CDKL3: variants seen among roughly 807,000 people sequenced by gnomAD.
The protein encoded by CDKL3 is cyclin-dependent kinase-like 3.
Under a neutral mutation model 69.3 loss-of-function variants are expected in CDKL3, and 65 were observed. That is an observed-to-expected ratio of 0.94 (90% CI 0.77 to 1.15). CDKL3 has a LOEUF of 1.15. Among genes scored for constraint, CDKL3 ranks in the 50% most tolerant of loss-of-function variants. The probability of loss-of-function intolerance (pLI) is 0.00; values close to 1 mark genes in which losing one functional copy is unlikely to be tolerated. For synonymous variants in CDKL3, 202 were observed against 221.6 expected (o/e 0.91, Z 0.79); for missense variants, 652 against 689.2 (o/e 0.95, Z 0.61).
chr5:134,350,129 A>T, intron 4 of CDKL3, 120 bp downstream of exon 4: 4 of 682,470 alleles, frequency 5.9e-6, no homozygotes, highest in Non-Finnish European at 7.0e-6. Flanking sequence ...TGGAGGTTGC[A>T]GTGAGCCAAG....
At chr5:134,329,142 AC>A (rs758546969) in intron 4 of CDKL3, among the ~76,000 whole-genome samples, 67 of 152,284 alleles carry the variant, frequency 4.4e-4, no homozygotes, top group Non-Finnish European at 7.9e-4. Flanking sequence ...GGAGTTCGAG[AC>A]CAGCCTAGGC....
Position 134,336,344 on chromosome 5 carries a change from C to T in CDKL3, c.539+13905G>A, listed in dbSNP as rs2149541675. 2.0e-5 allele frequency among the ~76,000 whole-genome samples: 3 copies of T among 152,310 alleles called. No homozygotes were observed. The Middle Eastern group carries it at 0.01, about 518-fold the overall frequency. On this transcript the variant is annotated intron_variant, in intron 4 of 12. Coordinates refer to ENST00000265334, the MANE Select transcript of CDKL3 (RefSeq NM_001113575.2). ...CTTCTGTCAACTTGTCAAACTCATT[C>T]TCCATCCAGTTTTGTTCCCTTGCTG...
intron 2 of CDKL3, 85 bp downstream of exon 2, chr5:134,366,274 G>A (rs996191923): frequency 2.1e-5 from 18 of 846,818 alleles, no homozygotes; most frequent in Non-Finnish European, 3.1e-5. Context: ...GAATCAGTAC[G>A]TGTGAACTAA....
intron 8 of CDKL3, among the ~76,000 whole-genome samples, chr5:134,287,895 CTT>C (rs5871533): frequency 8.0e-5 from 11 of 138,140 alleles, no homozygotes; most frequent in Admixed American, 1.5e-4. Flanking sequence ...TGTAACTTTA[CTT>C]TTTTTTTTTT....
chr5:134,332,802 TTAAAG>T (rs1192024074), intron 4 of CDKL3, among the ~76,000 whole-genome samples: 18 of 152,236 alleles, frequency 1.2e-4, no homozygotes, highest in Admixed American at 1.2e-3. Flanking sequence ...CATGTGAACT[TTAAAG>T]TAGTTTTTTC....
Position 134,318,840 on chromosome 5 carries a change from G to T in CDKL3, c.792+518C>A, listed in dbSNP as rs573945488. ...AAAATAGAGATAAATTAAATATAAT[G>T]AACATAATTATCTTAGGGGGCATTC... On this transcript the variant is annotated intron_variant, in intron 6 of 12. Transcript: ENST00000265334. 3.5e-3 allele frequency among the ~76,000 whole-genome samples: 539 copies of T among 151,896 alleles called. 4 individuals are homozygous for T. Among genetic ancestry groups the T allele is most frequent in the Non-Finnish European group, 4.8e-3 (323 of 67,944 alleles).
At chr5:134,335,705 G>A (rs1776931561) in intron 4 of CDKL3, among the ~76,000 whole-genome samples, 1 of 152,150 alleles carries the variant, frequency 6.6e-6, no homozygotes. Context: ...TTAGTCTGAT[G>A]AGCTTCCCTT....
At chr5:134,295,827 T>G (rs979547422), downstream of CDKL3, among the ~76,000 whole-genome samples, 1 of 152,194 alleles carries the variant, frequency 6.6e-6, no homozygotes, top group Non-Finnish European at 1.5e-5. Context: ...CTTTATGAAA[T>G]AGAACAAGTC....
rs141920471 is a variant in CDKL3 at position 134,326,130 on chromosome 5, C to T, written c.540-4227G>A. 3.6e-3 allele frequency among the ~76,000 whole-genome samples: 551 copies of T among 152,106 alleles called. 1 individual carries two copies. The highest frequency in any genetic ancestry group is 4.5e-3 in the Non-Finnish European group (306 of 67,966). The stretch of plus-strand genomic sequence containing the variant: ...GAATGCAATTTCTATGCACCTCCTC[C>T]ACTACCAAAAGAGACACTAAAAATA... On this transcript the variant is annotated intron_variant, in intron 4 of 12. Transcript: ENST00000265334.
At chr5:134,347,298 T>C (rs1004780428) in intron 4 of CDKL3, among the ~76,000 whole-genome samples, 5 of 151,690 alleles carry the variant, frequency 3.3e-5, no homozygotes, top group African/African-American at 1.2e-4. Flanking sequence ...ACTCAGCTAG[T>C]GGGAATGTAA....
At chr5:134,292,741 A>G (rs904800695) in intron 8 of CDKL3, among the ~76,000 whole-genome samples, 1 of 152,190 alleles carries the variant, frequency 6.6e-6, no homozygotes, top group Admixed American at 6.5e-5. Flanking sequence ...AATTATCAAT[A>G]ACAGGAATGA....
chr5:134,311,861 C>G (rs1470375911), intron 7 of CDKL3, among the ~76,000 whole-genome samples: 1 of 152,142 alleles, frequency 6.6e-6, no homozygotes. Flanking sequence ...GTGGTGCAAT[C>G]TCAGCTCACT....
chr5:134,367,266 A>G, upstream of CDKL3: 6 of 984,110 alleles, frequency 6.1e-6, no homozygotes, highest in Non-Finnish European at 7.2e-6. Flanking sequence ...CGCAAGGTGG[A>G]AGAGTGCTGT....
At chr5:134,285,936 A>C (rs1764841204), downstream of CDKL3, among the ~76,000 whole-genome samples, 1 of 152,220 alleles carries the variant, frequency 6.6e-6, no homozygotes, top group African/African-American at 2.4e-5. Flanking sequence ...ATCCTGGCCA[A>C]CATGGTGAAA....
chr5:134,314,488 A>G (rs188776477), intron 6 of CDKL3, among the ~76,000 whole-genome samples: 1 of 152,332 alleles, frequency 6.6e-6, no homozygotes, highest in African/African-American at 2.4e-5. Context: ...TGTTCCATAC[A>G]AAGACAAACA....
intron 4 of CDKL3, among the ~76,000 whole-genome samples, chr5:134,323,619 T>TA (rs891823131): frequency 4.0e-5 from 6 of 151,580 alleles, no homozygotes; most frequent in East Asian, 1.9e-4. Context: ...AATAATAAGA[T>TA]AAAAAAAAGA....
intron 7 of CDKL3, among the ~76,000 whole-genome samples, chr5:134,311,364 G>A (rs936786089): frequency 1.3e-5 from 2 of 152,176 alleles, no homozygotes; most frequent in East Asian, 3.8e-4. Context: ...AATTAGCCAG[G>A]CGTGGTGGCA....
upstream of CDKL3, among the ~76,000 whole-genome samples, chr5:134,368,992 A>G (rs1402378045): frequency 6.6e-6 from 1 of 152,150 alleles, no homozygotes; most frequent in African/African-American, 2.4e-5. Context: ...ACACCACTGC[A>G]CTCCAACCTG....
rs114357647 is a variant in CDKL3, at chr5:134,308,446, C to A, written c.1056G>T (p.Lys352Asn). Reference sequence around the variant, plus strand: ...TAACTCTGACTTTGATCTCCTTGGGCTTTTTCTCTTTTTCTATTTCCTGGA... The same window carrying A: ...TAACTCTGACTTTGATCTCCTTGGGATTTTTCTCTTTTTCTATTTCCTGGA... Reference protein sequence around the residue: ...VLGKEIEKEKKPKEIKVRVIK... With the variant: ...VLGKEIEKEKNPKEIKVRVIK... Residue 352 changes from lysine (K) to asparagine (N), a missense_variant, in exon 9 of 13, where the codon AAG becomes AAT. Lys to Asn is a moderately conservative substitution (Grantham distance 94, BLOSUM62 0). Coordinates refer to ENST00000265334, the MANE Select transcript of CDKL3 (RefSeq NM_001113575.2). The A allele has an allele frequency of 6.6e-4, 1,060 of 1,601,474 alleles. 4 individuals carry two copies. The African/African-American group carries it at 0.013, about 19-fold the overall frequency.
Sources: gnomAD v4.1 joint callset for allele counts (sites outside exome capture counted in the v4.1 genomes callset) on GRCh38, gnomAD v4.1.1 for gene constraint, MANE v1.5 for transcripts, NCBI Gene and HGNC (gene_info 2026-07-23, HGNC 2026-07-21) for gene names.